WRN: variants seen among roughly 807,000 people sequenced by gnomAD.
WRN encodes WRN RecQ like helicase, also known as bifunctional 3'-5' exonuclease/ATP-dependent helicase WRN.
Under a neutral mutation model 180.7 loss-of-function variants are expected in WRN, and 149 were observed. That is an observed-to-expected ratio of 0.82 (90% CI 0.72 to 0.94). WRN has a LOEUF of 0.94. Among genes scored for constraint, WRN ranks in the 40% least tolerant of loss-of-function variants. WRN has a pLI of 0.00. For synonymous variants in WRN, 548 were observed against 568.9 expected (o/e 0.96, Z 0.52); for missense variants, 1,661 against 1,700.1 (o/e 0.98, Z 0.40).
chr8:31,141,872 T>G (rs1802653041), intron 26 of WRN, 97 bp downstream of exon 26: 1 of 1,192,936 alleles, frequency 8.4e-7, no homozygotes, highest in Non-Finnish European at 1.2e-6. Context: ...ACAAGTAAAA[T>G]GAATTACCTG....
intron 3 of WRN, among the ~76,000 whole-genome samples, chr8:31,061,923 C>G (rs528833787): frequency 6.6e-6 from 1 of 152,248 alleles, no homozygotes; most frequent in African/African-American, 2.4e-5. Flanking sequence ...AAAGGAGTCC[C>G]TTAGGGAGAT....
intron 33 of WRN, among the ~76,000 whole-genome samples, chr8:31,164,903 A>G (rs1180857519): frequency 6.6e-6 from 1 of 152,176 alleles, no homozygotes; most frequent in Non-Finnish European, 1.5e-5. Context: ...CTGTAAAGCT[A>G]AATGCCACTT....
Position 31,175,322 on chromosome 8 carries a change from C to G in WRN, c.*2220C>G, listed in dbSNP as rs1804245384. Among the ~76,000 whole-genome samples the G allele has an allele frequency of 6.6e-6, 1 of 152,078 alleles. No individual in the cohort carries two copies. The highest frequency in any genetic ancestry group is 1.5e-5 in the Non-Finnish European group (1 of 68,020). ...TGTTGGTGCGTGCCTATAATCCCAG[C>G]TACTCGGGAGGCTGAGGCAGGAGAA... On this transcript the variant is annotated 3_prime_UTR_variant, in exon 35 of 35. Coordinates refer to ENST00000298139, the MANE Select transcript of WRN (RefSeq NM_000553.6).
intron 17 of WRN, among the ~76,000 whole-genome samples, chr8:31,098,288 G>T (rs1430513297): frequency 1.3e-5 from 2 of 152,142 alleles, no homozygotes; most frequent in Non-Finnish European, 2.9e-5. Flanking sequence ...TTTCATGGTT[G>T]TATTGCAAAA....
chr8:31,119,529 A>G (rs527924454), intron 20 of WRN, among the ~76,000 whole-genome samples: 1 of 151,998 alleles, frequency 6.6e-6, no homozygotes, highest in South Asian at 2.1e-4. Context: ...ATGTATTTCT[A>G]ACCCCCTTTC....
At chr8:31,044,232 G>A (rs559578799) in intron 1 of WRN, among the ~76,000 whole-genome samples, 2 of 151,636 alleles carry the variant, frequency 1.3e-5, no homozygotes, top group Non-Finnish European at 2.9e-5. Flanking sequence ...TAGTAGAGAC[G>A]GGGTTTCACC....
chr8:31,080,372 A>G (rs1646012961), intron 8 of WRN, among the ~76,000 whole-genome samples: 1 of 152,180 alleles, frequency 6.6e-6, no homozygotes, highest in Non-Finnish European at 1.5e-5. Flanking sequence ...AGACACCTGA[A>G]GCAATCTGAG....
intron 21 of WRN, among the ~76,000 whole-genome samples, chr8:31,121,189 A>G (rs1465208049): frequency 6.6e-6 from 1 of 151,992 alleles, no homozygotes; most frequent in African/African-American, 2.4e-5. Flanking sequence ...AGAAAAACCT[A>G]TACATGGTAA....
intron 33 of WRN, among the ~76,000 whole-genome samples, chr8:31,164,894 TG>T (rs1332527310): frequency 1.3e-5 from 2 of 152,164 alleles, no homozygotes; most frequent in African/African-American, 4.8e-5. Flanking sequence ...AAGATGCACC[TG>T]TAAAGCTAAA....
intron 1 of WRN, among the ~76,000 whole-genome samples, chr8:31,044,327 C>T (rs899526816): frequency 1.4e-5 from 2 of 147,772 alleles, no homozygotes; most frequent in Non-Finnish European, 3.0e-5. Context: ...AGGCGTGAGC[C>T]GCTTGCCCGA....
intron 19 of WRN, among the ~76,000 whole-genome samples, chr8:31,112,735 C>T (rs548981117): frequency 1.3e-5 from 2 of 152,014 alleles, no homozygotes; most frequent in East Asian, 2.0e-4. Flanking sequence ...TACAGGTGTG[C>T]GCCACCATGC....
intron 34 of WRN, among the ~76,000 whole-genome samples, chr8:31,172,039 T>TCCTC (rs1804118120): frequency 1.3e-5 from 2 of 152,206 alleles, no homozygotes; most frequent in South Asian, 4.1e-4. Context: ...TACTCTGAGA[T>TCCTC]AACATAAGTG....
chr8:31,122,872 T>TTG (rs1801777831), intron 21 of WRN, among the ~76,000 whole-genome samples: 1 of 142,888 alleles, frequency 7.0e-6, no homozygotes, highest in Non-Finnish European at 1.5e-5. Context: ...TTTTTTTTTT[T>TTG]TTTTTTTTTT....
chr8:31,157,641 C>T (rs1345959473), intron 33 of WRN, 111 bp downstream of exon 33: 20 of 1,405,742 alleles, frequency 1.4e-5, no homozygotes, highest in East Asian at 7.4e-5. Flanking sequence ...TTATGAAAAC[C>T]TTACTTTTGT....
At chr8:31,063,570 C>T (rs1384605718) in intron 3 of WRN, among the ~76,000 whole-genome samples, 6 of 152,156 alleles carry the variant, frequency 3.9e-5, no homozygotes, top group Non-Finnish European at 5.9e-5. Context: ...TATACATGAA[C>T]CACCGATAGA....
At chr8:31,161,699 C>T (rs1303469505) in intron 33 of WRN, among the ~76,000 whole-genome samples, 5 of 151,836 alleles carry the variant, frequency 3.3e-5, no homozygotes, top group East Asian at 1.9e-4. Flanking sequence ...ATTAGCTGGG[C>T]GTGGTGTTGG....
chr8:31,088,992 C>G (rs773972363), intron 13 of WRN, 27 bp downstream of exon 13: 21 of 1,588,996 alleles, frequency 1.3e-5, no homozygotes, highest in Non-Finnish European at 1.8e-5. Context: ...TTAATCAAAT[C>G]ACATATTTAG....
chr8:31,053,480 G>A (rs183216458), intron 1 of WRN, among the ~76,000 whole-genome samples: 2 of 152,234 alleles, frequency 1.3e-5, no homozygotes, highest in South Asian at 2.1e-4. Context: ...GAAGAAATGC[G>A]GTGAGCTATT....
At chr8:31,105,919 G>T (rs1428894520) in intron 18 of WRN, among the ~76,000 whole-genome samples, 3 of 152,096 alleles carry the variant, frequency 2.0e-5, no homozygotes, top group Non-Finnish European at 2.9e-5. Context: ...TAGAATATAT[G>T]TACATATATA....
Sources: allele counts gnomAD v4.1 joint callset (sites outside exome capture counted in the v4.1 genomes callset), GRCh38; gene constraint gnomAD v4.1.1; transcripts MANE v1.5; gene names NCBI Gene and HGNC (gene_info 2026-07-23, HGNC 2026-07-21).